CTNNA2: variants seen among roughly 807,000 people sequenced by gnomAD.
CTNNA2 encodes catenin alpha 2.
Under a neutral mutation model 101.0 loss-of-function variants are expected in CTNNA2, and 42 were observed. The ratio of observed to expected loss-of-function variants is 0.42; its 90% confidence interval spans 0.32 to 0.54. The LOEUF (loss-of-function observed/expected upper bound fraction) is 0.54. CTNNA2 is among the 20% of genes least tolerant of loss of function. The probability of loss-of-function intolerance (pLI) is 0.14; values close to 1 mark genes in which losing one functional copy is unlikely to be tolerated. For missense variants in CTNNA2, 871 were observed against 1,223.1 expected (o/e 0.71, Z 4.29); for synonymous variants, 450 against 456.4 (o/e 0.99, Z 0.18).
chr2:80,073,491 G>A (rs1698480226), intron 7 of CTNNA2, among the ~76,000 whole-genome samples: 1 of 152,144 alleles, frequency 6.6e-6, no homozygotes, highest in African/African-American at 2.4e-5. Context: ...TATGTTATCT[G>A]TGGCTACAGG....
chr2:80,109,994 G>T (rs116533809), intron 7 of CTNNA2, among the ~76,000 whole-genome samples: 299 of 152,276 alleles, frequency 2.0e-3, no homozygotes, highest in Non-Finnish European at 3.4e-3. Flanking sequence ...ATGGTTGATT[G>T]TGTGCGCACT....
chr2:79,848,221 C>A (rs1161549475), intron 3 of CTNNA2, among the ~76,000 whole-genome samples: 1 of 152,128 alleles, frequency 6.6e-6, no homozygotes, highest in African/African-American at 2.4e-5. Flanking sequence ...GTCCTTATTT[C>A]AGAAATATAT....
chr2:79,831,302 T>G (rs1360613088), intron 3 of CTNNA2, among the ~76,000 whole-genome samples: 1 of 152,168 alleles, frequency 6.6e-6, no homozygotes, highest in Admixed American at 6.5e-5. Context: ...CTTTTTCTCC[T>G]CGAGGTTTGT....
At chr2:79,486,344 G>A (rs555896235) in intron 4 of CTNNA2, among the ~76,000 whole-genome samples, 31 of 151,598 alleles carry the variant, frequency 2.0e-4, no homozygotes, top group African/African-American at 7.3e-4. Flanking sequence ...TTGTCCTTGT[G>A]ATAGTTTGCT....
At chr2:79,316,887 AT>A (rs917952621) in intron 3 of CTNNA2, among the ~76,000 whole-genome samples, 1 of 151,638 alleles carries the variant, frequency 6.6e-6, no homozygotes, top group Non-Finnish European at 1.5e-5. Flanking sequence ...TTTGAATGCT[AT>A]TTTTTTCCAT....
intron 9 of CTNNA2, among the ~76,000 whole-genome samples, chr2:80,531,830 G>A (rs1690571203): frequency 1.3e-5 from 2 of 152,132 alleles, no homozygotes; most frequent in South Asian, 2.1e-4. Flanking sequence ...CTGCTATGAC[G>A]ATGCTTTGGC....
intron 2 of CTNNA2, among the ~76,000 whole-genome samples, chr2:79,703,110 C>G (rs1167953028): frequency 6.6e-6 from 1 of 152,160 alleles, no homozygotes; most frequent in Non-Finnish European, 1.5e-5. Context: ...ATCTGGAGAG[C>G]TTGTCATAGC....
chr2:80,327,946 T>A (rs543634619), intron 7 of CTNNA2, among the ~76,000 whole-genome samples: 1 of 152,348 alleles, frequency 6.6e-6, no homozygotes, highest in African/African-American at 2.4e-5. Context: ...TTTTTTTATT[T>A]TTTATGTTAC....
chr2:80,364,084 G>A (rs1674673120), intron 7 of CTNNA2, among the ~76,000 whole-genome samples: 1 of 152,126 alleles, frequency 6.6e-6, no homozygotes. Flanking sequence ...TCGAGTTTGT[G>A]TGGGGAGGAC....
intron 7 of CTNNA2, among the ~76,000 whole-genome samples, chr2:80,086,920 A>G (rs940829955): frequency 6.6e-6 from 1 of 152,058 alleles, no homozygotes; most frequent in Non-Finnish European, 1.5e-5. Flanking sequence ...AGTCTCTATC[A>G]GAGACTTTTC....
At chr2:79,264,964 G>A (rs1674970699) in intron 2 of CTNNA2, among the ~76,000 whole-genome samples, 1 of 151,938 alleles carries the variant, frequency 6.6e-6, no homozygotes, top group East Asian at 1.9e-4. Context: ...TGCTTCCCTG[G>A]CCCATCTGCT....
In CTNNA2 at chr2:80,634,502, A is replaced by C. The variant is rs114419667; in HGVS notation, c.2575-13083A>C. Among the ~76,000 whole-genome samples the C allele has an allele frequency of 5.2e-3, 757 of 146,392 alleles. 6 individuals carry two copies. The highest frequency in any genetic ancestry group is 0.018 in the African/African-American group (711 of 39,320). ...TTGAGTTAATGAGAGCAAAATCAGAAGTATTGGGCCCCATGTGAAGACCAT... is the reference window on the plus strand; with the variant it reads ...TTGAGTTAATGAGAGCAAAATCAGACGTATTGGGCCCCATGTGAAGACCAT... On this transcript the variant is annotated intron_variant, in intron 18 of 18. Coordinates refer to ENST00000402739, the MANE Select transcript of CTNNA2 (RefSeq NM_001282597.3).
At chr2:79,355,504 G>A (rs1040461995) in intron 3 of CTNNA2, among the ~76,000 whole-genome samples, 4 of 152,142 alleles carry the variant, frequency 2.6e-5, no homozygotes, top group East Asian at 1.9e-4. Context: ...CTGGCATTTA[G>A]GACAATCACA....
chr2:80,294,503 C>T (rs1675562486), intron 7 of CTNNA2, among the ~76,000 whole-genome samples: 2 of 151,974 alleles, frequency 1.3e-5, no homozygotes, highest in African/African-American at 4.8e-5. Context: ...ACCAGCCAAC[C>T]ATGTCTTTTT....
intron 7 of CTNNA2, among the ~76,000 whole-genome samples, chr2:80,136,627 T>C (rs918302147): frequency 6.6e-6 from 1 of 152,184 alleles, no homozygotes; most frequent in African/African-American, 2.4e-5. Context: ...CTTTCATCTT[T>C]TGTATGTTAT....
At chr2:79,699,489 C>G (rs1330738207) in intron 2 of CTNNA2, among the ~76,000 whole-genome samples, 1 of 151,752 alleles carries the variant, frequency 6.6e-6, no homozygotes, top group Non-Finnish European at 1.5e-5. Flanking sequence ...ATCTTAAATT[C>G]AAGGCCAAAA....
At chr2:80,103,191 C>T (rs1009000304) in intron 7 of CTNNA2, among the ~76,000 whole-genome samples, 3 of 152,170 alleles carry the variant, frequency 2.0e-5, no homozygotes, top group Admixed American at 2.0e-4. Flanking sequence ...AAGAATAAAA[C>T]TATTTTCTCA....
At chr2:80,439,253 T>A (rs1285762296) in intron 9 of CTNNA2, among the ~76,000 whole-genome samples, 1 of 152,198 alleles carries the variant, frequency 6.6e-6, no homozygotes, top group Non-Finnish European at 1.5e-5. Context: ...CGGGAAAAAT[T>A]CATCATCAAT....
intron 7 of CTNNA2, among the ~76,000 whole-genome samples, chr2:79,928,297 A>T (rs111383246): frequency 6.6e-6 from 1 of 152,118 alleles, no homozygotes; most frequent in Non-Finnish European, 1.5e-5. Context: ...TACATCGGGT[A>T]GTATTTCTAT....
Sources: gnomAD v4.1 joint callset for allele counts (sites outside exome capture counted in the v4.1 genomes callset) on GRCh38, gnomAD v4.1.1 for gene constraint, MANE v1.5 for transcripts, NCBI Gene and HGNC (gene_info 2026-07-23, HGNC 2026-07-21) for gene names.